Variants in AGBL1 observed in about 807,000 individuals in gnomAD.
AGBL1 encodes AGBL carboxypeptidase 1, also known as cytosolic carboxypeptidase 4.
A neutral mutation model predicts 118.9 loss-of-function variants in AGBL1; 130 were observed. The observed-to-expected ratio is 1.09, with a 90% CI of 0.95 to 1.26. The LOEUF (loss-of-function observed/expected upper bound fraction) is 1.26. Among genes scored for constraint, AGBL1 ranks in the 50% most tolerant of loss-of-function variants. The pLI is 0.00. For missense variants in AGBL1, 1,584 were observed against 1,298.1 expected (o/e 1.22, Z -3.38); for synonymous variants, 555 against 478.9 (o/e 1.16, Z -2.08).
At chr15:86,348,042 G>T (rs554033851) in intron 17 of AGBL1, among the ~76,000 whole-genome samples, 2 of 152,230 alleles carry the variant, frequency 1.3e-5, no homozygotes, top group East Asian at 3.9e-4. Flanking sequence ...TGAATCTGTT[G>T]TGTCCCCATG....
chr15:86,686,759 T>C (rs1363893254), intron 22 of AGBL1, among the ~76,000 whole-genome samples: 1 of 152,106 alleles, frequency 6.6e-6, no homozygotes, highest in Non-Finnish European at 1.5e-5. Flanking sequence ...TTCATATGAA[T>C]TTTTATCATC....
rs775910790 is a variant in AGBL1 at position 86,269,918 on chromosome 15, G to T, written c.1839-1G>T. On this transcript the variant is annotated splice_acceptor_variant, in intron 13 of 22. Transcript: ENST00000614907. LOFTEE classifies it high-confidence loss of function. Reference sequence around the variant, plus strand: ...CCTCCAGTCTTGCTTCTGATCTGCAGGTTCGAGTATGACTTGCTGGTCAAC... The same window carrying T: ...CCTCCAGTCTTGCTTCTGATCTGCATGTTCGAGTATGACTTGCTGGTCAAC... 1.9e-6 allele frequency: 3 copies of T among 1,613,510 alleles called. No homozygotes were observed. Among genetic ancestry groups the T allele is most frequent in the Non-Finnish European group, 2.5e-6 (3 of 1,179,600 alleles).
intron 22 of AGBL1, among the ~76,000 whole-genome samples, chr15:86,871,282 T>C (rs1003940189): frequency 2.0e-5 from 3 of 152,184 alleles, no homozygotes; most frequent in Admixed American, 2.0e-4. Flanking sequence ...GGAGTATCTA[T>C]CTGCAGAGAC....
chr15:86,360,793 C>T lies in AGBL1; in HGVS notation c.2375-36573C>T, dbSNP rs1596014806. Among the ~76,000 whole-genome samples the T allele has an allele frequency of 2.0e-5, 3 of 151,970 alleles. No homozygotes were observed. In the East Asian group the frequency reaches 5.8e-4, roughly 29 times the overall value. ...AGGTTGTATATTTCTAGGAATTTAT[C>T]AATTTTGTTGGTATACAATTGCCCA... is the stretch of plus-strand genomic sequence containing the variant. On this transcript the variant is annotated intron_variant, in intron 17 of 22. Transcript: ENST00000614907.
intron 8 of AGBL1, among the ~76,000 whole-genome samples, chr15:86,257,359 A>G (rs1202458447): frequency 6.6e-6 from 1 of 152,226 alleles, no homozygotes; most frequent in Non-Finnish European, 1.5e-5. Context: ...TGTGGAATTA[A>G]TTTGCCCTAA....
intron 5 of AGBL1, among the ~76,000 whole-genome samples, chr15:86,175,316 T>A (rs988470035): frequency 6.6e-6 from 1 of 152,140 alleles, no homozygotes; most frequent in African/African-American, 2.4e-5. Context: ...TTGTTCATAA[T>A]AGCATCTAAT....
chr15:86,622,068 C>CACTTTGTAAAT (rs1292625370), intron 21 of AGBL1, among the ~76,000 whole-genome samples: 2 of 152,086 alleles, frequency 1.3e-5, no homozygotes, highest in African/African-American at 4.8e-5. Context: ...TGGCTCATGC[C>CACTTTGTAAAT]TGTAATACTC....
intron 6 of AGBL1, among the ~76,000 whole-genome samples, chr15:86,239,586 T>A (rs2078609461): frequency 6.6e-6 from 1 of 152,190 alleles, no homozygotes; most frequent in Non-Finnish European, 1.5e-5. Context: ...TGGCTGGATG[T>A]AAAGAAGTCC....
chr15:86,666,045 G>A (rs928654121), intron 21 of AGBL1, among the ~76,000 whole-genome samples: 1 of 151,980 alleles, frequency 6.6e-6, no homozygotes, highest in African/African-American at 2.4e-5. Flanking sequence ...TTTATTCTGG[G>A]ATATTCTTGC....
chr15:86,132,922 A>G, intron 1 of AGBL1, among the ~76,000 whole-genome samples: 1 of 152,172 alleles, frequency 6.6e-6, no homozygotes, highest in East Asian at 1.9e-4. Context: ...CTTCAGACCT[A>G]TTTTTAGATT....
intron 22 of AGBL1, among the ~76,000 whole-genome samples, chr15:86,816,056 A>T (rs546894376): frequency 1.3e-5 from 2 of 152,330 alleles, no homozygotes; most frequent in African/African-American, 4.8e-5. Context: ...ATAAGGACAC[A>T]GTAAGAAGAT....
At chr15:86,278,295 G>T (rs962318320) in intron 15 of AGBL1, among the ~76,000 whole-genome samples, 4 of 151,726 alleles carry the variant, frequency 2.6e-5, no homozygotes, top group Admixed American at 2.6e-4. Flanking sequence ...AGCCACTGGG[G>T]GCTTATGTTG....
intron 17 of AGBL1, among the ~76,000 whole-genome samples, chr15:86,343,782 C>G (rs764560069): frequency 1.4e-4 from 21 of 152,146 alleles, no homozygotes; most frequent in Non-Finnish European, 2.8e-4. Flanking sequence ...AGAAATTCAT[C>G]TCTTTCTCTA....
intron 21 of AGBL1, among the ~76,000 whole-genome samples, chr15:86,608,054 G>A (rs2084603629): frequency 6.6e-6 from 1 of 152,090 alleles, no homozygotes; most frequent in African/African-American, 2.4e-5. Flanking sequence ...ATTTACAAGT[G>A]CTTTAACACC....
chr15:86,721,333 G>A (rs542353807), intron 22 of AGBL1, among the ~76,000 whole-genome samples: 1 of 152,180 alleles, frequency 6.6e-6, no homozygotes, highest in Admixed American at 6.5e-5. Flanking sequence ...TGGGATGCAA[G>A]ACTGGTTCAA....
chr15:86,095,205 C>G (rs1896278750), intron 1 of AGBL1, among the ~76,000 whole-genome samples: 1 of 152,130 alleles, frequency 6.6e-6, no homozygotes, highest in East Asian at 1.9e-4. Flanking sequence ...GTTCAACAAC[C>G]TGGAAGTACT....
At chr15:86,925,561 A>G (rs1028867264) in intron 23 of AGBL1, among the ~76,000 whole-genome samples, 4 of 152,170 alleles carry the variant, frequency 2.6e-5, no homozygotes, top group East Asian at 1.9e-4. Context: ...GAGAGCTTCT[A>G]TGCATTACAC....
At chr15:87,003,287 T>C (rs1171215507) in intron 24 of AGBL1, among the ~76,000 whole-genome samples, 2 of 152,088 alleles carry the variant, frequency 1.3e-5, no homozygotes, top group African/African-American at 4.8e-5. Flanking sequence ...TGTTTCTTGA[T>C]TTGCGTATGT....
chr15:86,847,619 T>C (rs1157960579), intron 22 of AGBL1, among the ~76,000 whole-genome samples: 1 of 152,214 alleles, frequency 6.6e-6, no homozygotes, highest in African/African-American at 2.4e-5. Flanking sequence ...GCACTCAACC[T>C]CTCAATCTAA....
Sources: allele counts gnomAD v4.1 joint callset (sites outside exome capture counted in the v4.1 genomes callset), GRCh38; gene constraint gnomAD v4.1.1; transcripts MANE v1.5; gene names NCBI Gene and HGNC (gene_info 2026-07-23, HGNC 2026-07-21).